Variants in ATP13A3 observed in about 807,000 individuals in gnomAD.
ATP13A3 encodes polyamine-transporting ATPase 13A3.
Under a neutral mutation model 158.1 loss-of-function variants are expected in ATP13A3, and 59 were observed. That is an observed-to-expected ratio of 0.37 (90% CI 0.30 to 0.46). The LOEUF (loss-of-function observed/expected upper bound fraction) is 0.46. Ranked by LOEUF, ATP13A3 falls within the 20% of genes least tolerant of loss-of-function variation. The probability of loss-of-function intolerance (pLI) is 1.00; values close to 1 mark genes in which losing one functional copy is unlikely to be tolerated. For synonymous variants in ATP13A3, 491 were observed against 504.3 expected (o/e 0.97, Z 0.35); for missense variants, 1,166 against 1,525.2 (o/e 0.76, Z 3.92).
At chr3:194,453,274 C>T (rs909296671) in intron 10 of ATP13A3, among the ~76,000 whole-genome samples, 3 of 126,044 alleles carry the variant, frequency 2.4e-5, no homozygotes, top group African/African-American at 9.5e-5. Flanking sequence ...GAGACCACAT[C>T]GACTTTAAAA....
At chr3:194,410,277 T>A (rs1449598363) in intron 33 of ATP13A3, among the ~76,000 whole-genome samples, 1 of 94,276 alleles carries the variant, frequency 1.1e-5, no homozygotes, top group Non-Finnish European at 1.9e-5. Context: ...CCGGGCAACA[T>A]GGCAAAACCT....
At chr3:194,442,740 A>C (rs1273913902) in intron 15 of ATP13A3, among the ~76,000 whole-genome samples, 1 of 152,204 alleles carries the variant, frequency 6.6e-6, no homozygotes, top group East Asian at 1.9e-4. Flanking sequence ...ATCAAGAAGC[A>C]TCATGAATCC....
rs1371689766 is a variant in ATP13A3 at position 194,405,749 on chromosome 3, A to C, written c.*170T>G. 4 of 664,108 alleles carry C rather than the reference A, an allele frequency of 6.0e-6. No individual in the cohort carries two copies. The highest frequency in any genetic ancestry group is 3.6e-5 in the African/African-American group (2 of 54,946). The allele number at this position is 664,108 out of a possible 1,614,324, so 41.1% of individuals were successfully genotyped here. A position where few individuals can be genotyped will look rare whatever the true frequency, so the allele number is the denominator to read the frequency against. On this transcript the variant is annotated 3_prime_UTR_variant, in exon 34 of 34. Transcript: ENST00000645319. ...GATTGTTAATTTAACTGTTAGGACG[A>C]TATATTTTTCTGTTTTTATTTTAAG...
Position 194,446,264 on chromosome 3 carries a change from C to T in ATP13A3, c.1497+663G>A, listed in dbSNP as rs1245707675. On this transcript the variant is annotated intron_variant, in intron 14 of 33. Transcript: ENST00000645319. ...GTGGTGGGGAGAGCTGAGGCCCAGC[C>T]GCGACCACTATCTACATGGAGTTTG... Among the ~76,000 whole-genome samples, 7 of 152,010 alleles carry T rather than the reference C, an allele frequency of 4.6e-5. 1 individual carries two copies. In the South Asian group the frequency reaches 6.2e-4, roughly 14 times the overall value.
intron 10 of ATP13A3, chr3:194,452,083 G>A (rs1018971449): frequency 6.6e-6 from 1 of 152,334 alleles, no homozygotes; most frequent in Non-Finnish European, 1.5e-5. Context: ...GGCTATGCAT[G>A]GTGGCTCATG....
At chr3:194,413,946 CTTCATA>C in intron 31 of ATP13A3, 107 bp from the exon 32 acceptor site, 1 of 891,194 alleles carries the variant, frequency 1.1e-6, no homozygotes, top group South Asian at 1.4e-5. Context: ...TACCAAACAC[CTTCATA>C]TACATTATCT....
chr3:194,466,931 T>A (rs1329631935), intron 2 of ATP13A3, among the ~76,000 whole-genome samples: 1 of 152,250 alleles, frequency 6.6e-6, no homozygotes, highest in Non-Finnish European at 1.5e-5. Context: ...CCACGAATAT[T>A]AAGGACTCTG....
chr3:194,453,676 G>T (rs1445579108), intron 10 of ATP13A3, 30 bp downstream of exon 10: 7 of 1,559,214 alleles, frequency 4.5e-6, no homozygotes, highest in African/African-American at 2.7e-5. Context: ...TATCTTTTTT[G>T]ATTTATTCTT....
At chr3:194,482,996 A>C (rs143106128) in intron 2 of ATP13A3, among the ~76,000 whole-genome samples, 2 of 151,148 alleles carry the variant, frequency 1.3e-5, no homozygotes, top group African/African-American at 4.9e-5. Context: ...AATCCCAGCT[A>C]CTCGGAAAGC....
intron 2 of ATP13A3, among the ~76,000 whole-genome samples, chr3:194,477,447 G>A (rs1720573691): frequency 1.3e-5 from 2 of 152,160 alleles, no homozygotes; most frequent in South Asian, 4.1e-4. Context: ...TCTTTGGCAT[G>A]CTCCCGCATC....
intron 22 of ATP13A3, among the ~76,000 whole-genome samples, 197 bp downstream of exon 22, chr3:194,431,520 C>A (rs193221162): frequency 2.0e-5 from 3 of 152,282 alleles, no homozygotes; most frequent in African/African-American, 7.2e-5. Context: ...CTCATCTTAG[C>A]TAAATATCAA....
Position 194,437,332 on chromosome 3 carries a change from C to G in ATP13A3, c.1978G>C (p.Gly660Arg). ...YMKGAPEAIA[G>R]LCKPETVPVD... is the part of the protein sequence containing the mutation. ...TTACCTGTTTCAGGTTTACAGAGAC[C>G]GGCAATGGCCTCGGGCGCTCCTTTC... Residue 660 changes from glycine (G) to arginine (R), a missense_variant, in exon 19 of 34, where the codon GGT (glycine) becomes CGT (arginine). Transcript: ENST00000645319. 1.2e-6 allele frequency: 2 copies of G among 1,614,162 alleles called. No individual in the cohort carries two copies. The highest frequency in any genetic ancestry group is 8.5e-7 in the Non-Finnish European group (1 of 1,180,024).
Position 194,454,303 on chromosome 3 carries a change from A to G in ATP13A3, c.720T>C (p.Val240=). ...AGCTTACGATTGATACTATGGACAT[A>G]ACCACAATAGCTAGAGCATAGTAAT... ...EYYYYALAIV[V]MSIVSIVSSL... is the part of the protein sequence containing the mutation. The change falls in exon 9 of 34, where the codon GTT becomes GTC. Residue 240 remains valine, a synonymous_variant. Coordinates refer to ENST00000645319, the MANE Select transcript of ATP13A3 (RefSeq NM_001367549.1). 1 of 1,608,450 alleles carries G rather than the reference A, an allele frequency of 6.2e-7. No homozygotes were observed. The highest frequency in any genetic ancestry group is 8.5e-7 in the Non-Finnish European group (1 of 1,175,216).
intron 13 of ATP13A3, 41 bp downstream of exon 13, chr3:194,447,810 AT>A: frequency 6.7e-7 from 1 of 1,502,788 alleles, no homozygotes; most frequent in Non-Finnish European, 9.1e-7. Flanking sequence ...CATATGATAA[AT>A]AATTGAGGTT....
intron 31 of ATP13A3, among the ~76,000 whole-genome samples, chr3:194,417,601 A>G (rs1378967169): frequency 6.6e-6 from 1 of 152,108 alleles, no homozygotes; most frequent in Non-Finnish European, 1.5e-5. Flanking sequence ...AAAGAGAACT[A>G]AACAACAAAA....
intron 2 of ATP13A3, among the ~76,000 whole-genome samples, chr3:194,466,634 GTCTT>G (rs1230045051): frequency 6.6e-6 from 1 of 152,160 alleles, no homozygotes; most frequent in Non-Finnish European, 1.5e-5. Context: ...CATTATACTA[GTCTT>G]TCTACTTTTT....
At chr3:194,428,746 G>A in intron 28 of ATP13A3, 99 bp downstream of exon 28, 1 of 773,296 alleles carries the variant, frequency 1.3e-6, no homozygotes, top group Non-Finnish European at 2.1e-6. Context: ...GGAGAGGTGT[G>A]AGCTATGTTA....
intron 6 of ATP13A3, 104 bp from the exon 7 acceptor site, chr3:194,457,278 T>C: frequency 1.3e-6 from 1 of 758,294 alleles, no homozygotes; most frequent in Non-Finnish European, 2.2e-6. Context: ...GTGACTTCCT[T>C]ACAAATCCTT....
chr3:194,417,758 G>A (rs1715971361), intron 31 of ATP13A3, among the ~76,000 whole-genome samples: 1 of 152,012 alleles, frequency 6.6e-6, no homozygotes, highest in Middle Eastern at 3.4e-3. Flanking sequence ...GGGCAACACA[G>A]TGAAACCCCA....
Sources: gnomAD v4.1 joint callset for allele counts (sites outside exome capture counted in the v4.1 genomes callset) on GRCh38, gnomAD v4.1.1 for gene constraint, MANE v1.5 for transcripts, NCBI Gene and HGNC (gene_info 2026-07-23, HGNC 2026-07-21) for gene names.